SLC12A6: variants seen among roughly 807,000 people sequenced by gnomAD.
The protein encoded by SLC12A6 is solute carrier family 12 member 6, also known as K-Cl cotransporter 3.
A neutral mutation model predicts 135.3 loss-of-function variants in SLC12A6; 66 were observed. The ratio of observed to expected loss-of-function variants is 0.49; its 90% CI spans 0.40 to 0.60. SLC12A6 has a LOEUF of 0.60. Among genes scored for constraint, SLC12A6 ranks in the 20% least tolerant of loss-of-function variants. SLC12A6 has a pLI of 0.00. For missense variants in SLC12A6, 1,058 were observed against 1,452.3 expected (o/e 0.73, Z 4.41); for synonymous variants, 513 against 508.8 (o/e 1.01, Z -0.11).
intron 21 of SLC12A6, 97 bp from the exon 22 acceptor site, chr15:34,237,647 T>A: frequency 1.0e-6 from 1 of 977,052 alleles, no homozygotes; most frequent in Non-Finnish European, 1.6e-6. Flanking sequence ...AGAACCTTGC[T>A]ATATGTAGTA....
intron 13 of SLC12A6, 56 bp from the exon 14 acceptor site, chr15:34,245,923 A>T: frequency 7.1e-7 from 1 of 1,404,584 alleles, no homozygotes; most frequent in Non-Finnish European, 1.0e-6. Flanking sequence ...AGACTGAAAG[A>T]CTAGAGATAT....
chr15:34,308,094 TTTC>T (rs1287863936), intron 2 of SLC12A6, among the ~76,000 whole-genome samples: 5 of 152,174 alleles, frequency 3.3e-5, no homozygotes, highest in Non-Finnish European at 7.3e-5. Context: ...AAATATAATT[TTTC>T]TTAATATATT....
chr15:34,238,206 T>C, intron 21 of SLC12A6, 26 bp downstream of exon 21: 3 of 1,558,354 alleles, frequency 1.9e-6, no homozygotes, highest in Non-Finnish European at 1.8e-6. Flanking sequence ...GAAAGACTTT[T>C]GTAAAAAAAA....
intron 2 of SLC12A6, among the ~76,000 whole-genome samples, chr15:34,304,438 T>C (rs1182052001): frequency 1.3e-5 from 2 of 152,238 alleles, no homozygotes; most frequent in African/African-American, 4.8e-5. Context: ...GGTAATTCTA[T>C]GTTTAACTTT....
chr15:34,262,496 A>G (rs1281784080), intron 3 of SLC12A6, among the ~76,000 whole-genome samples: 2 of 152,132 alleles, frequency 1.3e-5, no homozygotes, highest in Non-Finnish European at 2.9e-5. Context: ...AGGTACAAAG[A>G]AGGCTGTAAT....
At chr15:34,267,309 TACAA>T (rs1451926477) in intron 3 of SLC12A6, among the ~76,000 whole-genome samples, 5 of 152,210 alleles carry the variant, frequency 3.3e-5, no homozygotes, top group Admixed American at 3.3e-4. Flanking sequence ...TGAGTCGATG[TACAA>T]GTTTACTAGT....
chr15:34,275,506 T>A, intron 2 of SLC12A6, 117 bp from the exon 3 acceptor site: 1 of 677,798 alleles, frequency 1.5e-6, no homozygotes. Context: ...TAAAAACTTA[T>A]GAAATATTAA....
Position 34,304,126 on chromosome 15 carries a change from T to C in SLC12A6, c.272-28737A>G, listed in dbSNP as rs147500593. On this transcript the variant is annotated intron_variant, in intron 2 of 25. Transcript: ENST00000354181. ...ACCATTAATCTAACTTCTGCCTCTA[T>C]AAATTTACCTATTCTGGACATTTCC... Among the ~76,000 whole-genome samples, 1,130 of 152,322 alleles carry C rather than the reference T, an allele frequency of 7.4e-3. 5 individuals are homozygous for C. The highest frequency in any genetic ancestry group is 0.012 in the Non-Finnish European group (805 of 68,022).
intron 2 of SLC12A6, among the ~76,000 whole-genome samples, chr15:34,301,244 C>T (rs1204259656): frequency 1.3e-5 from 2 of 152,058 alleles, no homozygotes; most frequent in African/African-American, 4.8e-5. Flanking sequence ...CCAGGCCCGG[C>T]CTCAACATGT....
intron 10 of SLC12A6, 109 bp from the exon 11 acceptor site, chr15:34,251,166 A>C: frequency 1.2e-6 from 1 of 833,864 alleles, no homozygotes. Flanking sequence ...ACAGTTTCTA[A>C]AGGTGTGTTT....
chr15:34,245,653 C>G (rs1437779940), intron 14 of SLC12A6, 40 bp downstream of exon 14: 4 of 1,533,030 alleles, frequency 2.6e-6, no homozygotes, highest in South Asian at 1.1e-5. Context: ...CTCATTAAAG[C>G]TGGGAAAAAA....
At chr15:34,316,015 A>G (rs1044830159) in intron 2 of SLC12A6, among the ~76,000 whole-genome samples, 1 of 152,212 alleles carries the variant, frequency 6.6e-6, no homozygotes, top group Non-Finnish European at 1.5e-5. Flanking sequence ...TGAGCCCACA[A>G]TATTTCCAAA....
chr15:34,263,027 A>G (rs895089855), intron 3 of SLC12A6, among the ~76,000 whole-genome samples: 1 of 152,150 alleles, frequency 6.6e-6, no homozygotes, highest in Non-Finnish European at 1.5e-5. Context: ...TATGCTTCCT[A>G]CTTGGGTGAA....
intron 13 of SLC12A6, among the ~76,000 whole-genome samples, chr15:34,248,200 G>A (rs1027004599): frequency 3.3e-5 from 5 of 152,024 alleles, no homozygotes; most frequent in Admixed American, 6.6e-5. Context: ...TTCTACTAGC[G>A]ATGGACATTT....
At chr15:34,282,150 G>C (rs879674845) in intron 2 of SLC12A6, among the ~76,000 whole-genome samples, 1 of 152,080 alleles carries the variant, frequency 6.6e-6, no homozygotes, top group Non-Finnish European at 1.5e-5. Flanking sequence ...TAGTCCTTAG[G>C]GCATAAGTAC....
chr15:34,285,382 G>C (rs1459866002), intron 2 of SLC12A6, among the ~76,000 whole-genome samples: 3 of 152,148 alleles, frequency 2.0e-5, no homozygotes, highest in Non-Finnish European at 4.4e-5. Flanking sequence ...TACAGGGTGG[G>C]AGAGAAAGAA....
intron 2 of SLC12A6, among the ~76,000 whole-genome samples, chr15:34,297,324 C>T (rs347841): frequency 0.039 from 5,880 of 151,984 alleles, 360 homozygotes; most frequent in African/African-American, 0.13. Context: ...AAAGCAGTGA[C>T]TCAATTTAAG....
rs769896374 is a variant in SLC12A6, at chr15:34,244,081, TAA to T, written c.1944-11_1944-10del. 7.0e-7 allele frequency: 1 copy of T among 1,426,122 alleles called. No individual in the cohort carries two copies. Among genetic ancestry groups the T allele is most frequent in the Admixed American group, 1.7e-5 (1 of 59,824 alleles). The allele number at this position is 1,426,122 out of a possible 1,614,324, so 88.3% of individuals were successfully genotyped here. A position where few individuals can be genotyped will look rare whatever the true frequency, so the allele number is the denominator to read the frequency against. ...AACACATGAGAAAAAACCTGAAGAA[TAA>T]AGAGTAAGAGGAATGATTATTACTG... On this transcript the variant is annotated splice_polypyrimidine_tract_variant and intron_variant, in intron 15 of 25. Coordinates refer to ENST00000354181, the MANE Select transcript of SLC12A6 (RefSeq NM_001365088.1).
rs755114035 is a variant in SLC12A6 at position 34,252,429 on chromosome 15, G to C, written c.1119-45C>G. The C allele has an allele frequency of 4.3e-6, 5 of 1,166,342 alleles. No individual in the cohort carries two copies. The South Asian group carries it at 6.2e-5, about 14-fold the overall frequency. 72.2% of individuals were successfully genotyped at this position (1,166,342 alleles called of 1,614,324 possible). ...GAGAAAGATCAAGTAAGGAAAAAAA[G>C]TACATTAAAAAAAAAGGAAACAGGT... On this transcript the variant is annotated intron_variant, in intron 9 of 25. Coordinates refer to ENST00000354181, the MANE Select transcript of SLC12A6 (RefSeq NM_001365088.1).
Sources: allele counts gnomAD v4.1 joint callset (sites outside exome capture counted in the v4.1 genomes callset), GRCh38; gene constraint gnomAD v4.1.1; transcripts MANE v1.5; gene names NCBI Gene and HGNC (gene_info 2026-07-23, HGNC 2026-07-21).